CNOT6L: variants seen among roughly 807,000 people sequenced by gnomAD.
CNOT6L encodes the protein CCR4-NOT transcription complex subunit 6-like.
A neutral mutation model predicts 64.0 loss-of-function variants in CNOT6L; 7 were observed. That is an observed-to-expected ratio of 0.11 (90% CI 0.06 to 0.21). CNOT6L has a LOEUF of 0.21. Ranked by LOEUF, CNOT6L falls within the 10% of genes least tolerant of loss-of-function variation. CNOT6L has a pLI of 1.00. For synonymous variants in CNOT6L, 193 were observed against 243.4 expected, an observed-to-expected ratio of 0.79 and a Z score of 1.93; for missense variants, 245 against 669.0, an observed-to-expected ratio of 0.37 and a Z score of 6.99.
chr4:77,752,910 G>C (rs1427193853), intron 5 of CNOT6L, among the ~76,000 whole-genome samples: 1 of 151,638 alleles, frequency 6.6e-6, no homozygotes, highest in African/African-American at 2.4e-5. Flanking sequence ...CTAAAAGTTG[G>C]TTCTTCTTTT....
At chr4:77,779,547 TA>T (rs1016480362) in intron 1 of CNOT6L, among the ~76,000 whole-genome samples, 28 of 147,038 alleles carry the variant, frequency 1.9e-4, no homozygotes, top group Admixed American at 2.7e-4. Flanking sequence ...ATCTCTTCCT[TA>T]AAAAAAAAAG....
intron 4 of CNOT6L, among the ~76,000 whole-genome samples, chr4:77,763,231 T>C (rs1333302638): frequency 6.6e-6 from 1 of 151,946 alleles, no homozygotes; most frequent in Non-Finnish European, 1.5e-5. Context: ...AAGAGTAGAA[T>C]GGATTAAAAA....
intron 8 of CNOT6L, among the ~76,000 whole-genome samples, chr4:77,737,920 CA>C: frequency 6.6e-6 from 1 of 152,164 alleles, no homozygotes; most frequent in Admixed American, 6.5e-5. Flanking sequence ...ATCCTACGTA[CA>C]AATTCTAAAT....
intron 2 of CNOT6L, among the ~76,000 whole-genome samples, chr4:77,775,540 A>G (rs1304515332): frequency 6.6e-6 from 1 of 152,118 alleles, no homozygotes; most frequent in African/African-American, 2.4e-5. Flanking sequence ...ACCATGGTAC[A>G]TTTGTCAAAA....
At chr4:77,740,832 T>C (rs1464819869) in intron 8 of CNOT6L, among the ~76,000 whole-genome samples, 1 of 151,732 alleles carries the variant, frequency 6.6e-6, no homozygotes, top group African/African-American at 2.4e-5. Flanking sequence ...ATACATTACC[T>C]TTTTTACGTC....
At chr4:77,746,122 G>A (rs1238567860) in intron 6 of CNOT6L, among the ~76,000 whole-genome samples, 4 of 152,178 alleles carry the variant, frequency 2.6e-5, no homozygotes, top group Non-Finnish European at 4.4e-5. Flanking sequence ...GAAGTAAGGC[G>A]AAAGAGGCAG....
chr4:77,739,113 C>T (rs561390090), intron 8 of CNOT6L, among the ~76,000 whole-genome samples: 1 of 152,292 alleles, frequency 6.6e-6, no homozygotes, highest in South Asian at 2.1e-4. Flanking sequence ...CTAGCCTTTA[C>T]TAAACAATAC....
chr4:77,774,717 C>A lies in CNOT6L; in HGVS notation c.128-1G>T. On this transcript the variant is annotated splice_acceptor_variant, in intron 2 of 11. Transcript: ENST00000504123. LOFTEE classifies it high-confidence loss of function. ...GATGTACTTAGGCTCCGCACTCTAC[C>A]TAAAAGGCAAAATACTGAAGTGTAA... is the stretch of plus-strand genomic sequence containing the variant. 6.4e-7 allele frequency: 1 copy of A among 1,558,102 alleles called. No homozygotes were observed. The highest frequency in any genetic ancestry group is 8.7e-7 in the Non-Finnish European group (1 of 1,155,502).
chr4:77,754,888 T>TAAAAAAAAAAAAAAAAAAA lies in CNOT6L; in HGVS notation c.490+1955_490+1973dup. Among the ~76,000 whole-genome samples, 69 of 36,940 alleles carry TAAAAAAAAAAAAAAAAAAA rather than the reference T, an allele frequency of 1.9e-3. 11 individuals carry two copies. Among genetic ancestry groups the TAAAAAAAAAAAAAAAAAAA allele is most frequent in the South Asian group, 5.1e-3 (3 of 586 alleles). 24.2% of individuals were successfully genotyped at this position (36,940 alleles called of 152,430 possible). A position where few individuals can be genotyped will look rare whatever the true frequency, so the allele number is the denominator to read the frequency against. On this transcript the variant is annotated intron_variant, in intron 5 of 11. Coordinates refer to ENST00000504123, the MANE Select transcript of CNOT6L (RefSeq NM_144571.3). ...AAAACCTAATTCTAAACATTAGAAG[T>TAAAAAAAAAAAAAAAAAAA]AAAAAAAAAAAAAAAAAAAAAAAAA... is the stretch of plus-strand genomic sequence containing the variant.
intron 7 of CNOT6L, among the ~76,000 whole-genome samples, chr4:77,742,749 T>G (rs1284743007): frequency 6.6e-6 from 1 of 152,168 alleles, no homozygotes. Flanking sequence ...AAACGTAAAA[T>G]CTATCCACAA....
intron 5 of CNOT6L, among the ~76,000 whole-genome samples, chr4:77,755,665 A>G (rs920581862): frequency 2.8e-4 from 43 of 152,186 alleles, no homozygotes; most frequent in African/African-American, 9.6e-4. Flanking sequence ...CTTTTTAGCC[A>G]TAAACTTTTC....
Position 77,808,069 on chromosome 4 carries a change from A to G in CNOT6L, c.5+11235T>C, listed in dbSNP as rs577168714. Among the ~76,000 whole-genome samples, 393 of 152,314 alleles carry G rather than the reference A, an allele frequency of 2.6e-3. 1 individual carries two copies. The highest frequency in any genetic ancestry group is 3.4e-3 in the Non-Finnish European group (230 of 68,024). ...AAAGAATTACAACAAAAATTAAAGG[A>G]TTGTTAAAAAACAAAAAAATTACAG... On this transcript the variant is annotated intron_variant, in intron 1 of 11. Coordinates refer to ENST00000504123, the MANE Select transcript of CNOT6L (RefSeq NM_144571.3).
At position 77,726,979 on chromosome 4, in the gene CNOT6L, T is replaced by C. The variant is rs915248170; in HGVS notation, c.1253-610A>G. Among the ~76,000 whole-genome samples the C allele has an allele frequency of 5.9e-5, 9 of 152,268 alleles. No homozygotes were observed. In the East Asian group the frequency reaches 1.7e-3, roughly 29 times the overall value. On this transcript the variant is annotated intron_variant, in intron 10 of 11. Coordinates refer to ENST00000504123, the MANE Select transcript of CNOT6L (RefSeq NM_144571.3). ...AAAAATACAAGGCTGAAGAGAAGAATAGCATTCAGAAAAGTGCACTGCTTC... is the reference window on the plus strand; with the variant it reads ...AAAAATACAAGGCTGAAGAGAAGAACAGCATTCAGAAAAGTGCACTGCTTC...
intron 1 of CNOT6L, among the ~76,000 whole-genome samples, chr4:77,798,725 G>A (rs1322008264): frequency 3.4e-5 from 5 of 149,116 alleles, no homozygotes; most frequent in Admixed American, 6.7e-5. Flanking sequence ...TGGCTCACAC[G>A]TATAATTGCA....
At chr4:77,748,663 T>C (rs1724479419) in intron 5 of CNOT6L, among the ~76,000 whole-genome samples, 1 of 152,206 alleles carries the variant, frequency 6.6e-6, no homozygotes, top group African/African-American at 2.4e-5. Flanking sequence ...TAAAACCCTA[T>C]GTAAAATCTT....
chr4:77,803,417 ATG>A (rs761695894), intron 1 of CNOT6L, among the ~76,000 whole-genome samples: 3 of 152,238 alleles, frequency 2.0e-5, no homozygotes, highest in Admixed American at 6.5e-5. Flanking sequence ...CAAATATTAA[ATG>A]TGTAATTACT....
At position 77,718,681 on chromosome 4, in the gene CNOT6L, C is replaced by A. The variant is rs1235399555; in HGVS notation, c.*1750G>T. 1 of 152,496 alleles carries A rather than the reference C, an allele frequency of 6.6e-6. No individual in the cohort carries two copies. The highest frequency in any genetic ancestry group is 1.5e-5 in the Non-Finnish European group (1 of 68,016). 9.4% of individuals were successfully genotyped at this position (152,496 alleles called of 1,614,324 possible). On this transcript the variant is annotated 3_prime_UTR_variant, in exon 12 of 12. Coordinates refer to ENST00000504123, the MANE Select transcript of CNOT6L (RefSeq NM_144571.3). ...GTATGATATGACATCATCCCACCAC[C>A]CTCGTCCCACTAAAATTACCCTCTG...
intron 11 of CNOT6L, 108 bp downstream of exon 11, chr4:77,726,058 TC>T: frequency 1.0e-6 from 1 of 1,003,666 alleles, no homozygotes; most frequent in Non-Finnish European, 1.5e-6. Context: ...ATTTTAAGAA[TC>T]TAAAAATTCC....
Position 77,718,412 on chromosome 4 carries a change from TGGATACTTGA to T in CNOT6L, c.*2009_*2018del. The stretch of plus-strand genomic sequence containing the variant: ...GTAATCAATTTGCATGGCTAGATGT[TGGATACTTGA>T]GGTATATAAGAAGGGAAACCTGCAT... On this transcript the variant is annotated 3_prime_UTR_variant, in exon 12 of 12. Coordinates refer to ENST00000504123, the MANE Select transcript of CNOT6L (RefSeq NM_144571.3). The T allele has an allele frequency of 6.5e-6, 1 of 152,736 alleles. No individual in the cohort carries two copies. Among genetic ancestry groups the T allele is most frequent in the Non-Finnish European group, 1.5e-5 (1 of 68,022 alleles). The allele number at this position is 152,736 out of a possible 1,614,324, so 9.5% of individuals were successfully genotyped here.
Sources: gnomAD v4.1 joint callset for allele counts (sites outside exome capture counted in the v4.1 genomes callset) on GRCh38, gnomAD v4.1.1 for gene constraint, MANE v1.5 for transcripts, NCBI Gene and HGNC (gene_info 2026-07-23, HGNC 2026-07-21) for gene names.